Variants in NREP observed in about 807,000 individuals in gnomAD.
The protein encoded by NREP is neuronal regeneration-related protein.
In NREP, 5 loss-of-function variants were observed where a neutral mutation model predicts 8.6. That is an observed-to-expected ratio of 0.58 (90% confidence interval 0.30 to 1.22). The LOEUF (loss-of-function observed/expected upper bound fraction) is 1.22, where lower values mean the gene tolerates loss of function less well. NREP is among the 50% of genes most tolerant of loss of function. NREP has a pLI of 0.07. For synonymous variants in NREP, 27 were observed against 28.0 expected (o/e 0.96, Z 0.11); for missense variants, 86 against 82.5 (o/e 1.04, Z -0.17).
intron 1 of NREP, chr5:111,756,052 C>T (rs1210861202): frequency 1.2e-4 from 152 of 1,250,146 alleles, no homozygotes; most frequent in Non-Finnish European, 1.4e-4. Flanking sequence ...TTGCAGAGTC[C>T]TGGGCTATTC....
At chr5:111,760,186 C>T (rs1349126727), upstream of NREP, among the ~76,000 whole-genome samples, 1 of 152,190 alleles carries the variant, frequency 6.6e-6, no homozygotes, top group Non-Finnish European at 1.5e-5. Flanking sequence ...TGTTTAACAA[C>T]ATCTCTGGCC....
chr5:111,959,718 T>C (rs1756430137), intron 2 of NREP, among the ~76,000 whole-genome samples: 1 of 152,086 alleles, frequency 6.6e-6, no homozygotes, highest in African/African-American at 2.4e-5. Flanking sequence ...AAAAAATTAC[T>C]AAGTTGAACA....
chr5:111,876,246 C>G (rs1753905984), intron 2 of NREP, among the ~76,000 whole-genome samples: 1 of 152,136 alleles, frequency 6.6e-6, no homozygotes, highest in South Asian at 2.1e-4. Flanking sequence ...TTTCAGGCTG[C>G]TTTTGATTAG....
At position 111,799,600 on chromosome 5, in the gene NREP, T is replaced by C. The variant is rs571372588; in HGVS notation, c.136-64093A>G. Among the ~76,000 whole-genome samples the C allele has an allele frequency of 2.0e-4, 31 of 152,360 alleles. 1 individual carries two copies. In the East Asian group the frequency reaches 3.7e-3, roughly 18 times the overall value. Reference sequence around the variant, plus strand: ...TTCCTATATGCTTTTAATCTGCTGTTGTATTGCATAAGCAAATGTTTGCAT... The same window carrying C: ...TTCCTATATGCTTTTAATCTGCTGTCGTATTGCATAAGCAAATGTTTGCAT... On this transcript the variant is annotated intron_variant, in intron 2 of 3. Coordinates refer to the NREP transcript ENST00000395634.
At chr5:111,761,631 T>A (rs972144689), upstream of NREP, among the ~76,000 whole-genome samples, 1 of 152,234 alleles carries the variant, frequency 6.6e-6, no homozygotes, top group Non-Finnish European at 1.5e-5. Flanking sequence ...GATCGCAGGA[T>A]ACATTGTTGA....
chr5:111,938,215 T>C (rs1424906325), intron 2 of NREP, among the ~76,000 whole-genome samples: 1 of 152,028 alleles, frequency 6.6e-6, no homozygotes, highest in African/African-American at 2.4e-5. Flanking sequence ...CTCTGGGAGC[T>C]CCATTCCCTC....
At chr5:111,733,713 A>G (rs1748830899) in intron 3 of NREP, 1 of 152,176 alleles carries the variant, frequency 6.6e-6, no homozygotes. Flanking sequence ...TTGTGCCAAC[A>G]GAGCTGAGGG....
At chr5:111,769,900 T>A (rs1751177552) in intron 2 of NREP, among the ~76,000 whole-genome samples, 1 of 152,170 alleles carries the variant, frequency 6.6e-6, no homozygotes. Flanking sequence ...TGACTTGAGA[T>A]CTGGGTGGGG....
At chr5:111,966,632 G>C (rs936444989) in intron 2 of NREP, among the ~76,000 whole-genome samples, 1 of 151,640 alleles carries the variant, frequency 6.6e-6, no homozygotes, top group African/African-American at 2.4e-5. Context: ...AATGAGAGAA[G>C]GAGGAAAAAA....
chr5:111,829,572 G>T (rs922096535), intron 2 of NREP, among the ~76,000 whole-genome samples: 21 of 152,034 alleles, frequency 1.4e-4, no homozygotes, highest in African/African-American at 4.8e-4. Context: ...CTTTACATCT[G>T]CTCTTTCTGG....
At chr5:111,761,523 A>G (rs888360308), upstream of NREP, among the ~76,000 whole-genome samples, 1 of 152,358 alleles carries the variant, frequency 6.6e-6, no homozygotes, top group Non-Finnish European at 1.5e-5. Flanking sequence ...ACAGTGCACC[A>G]GGTACAGAAC....
intron 1 of NREP, chr5:111,975,400 G>GA: frequency 2.0e-6 from 3 of 1,534,004 alleles, no homozygotes; most frequent in Non-Finnish European, 2.7e-6. Context: ...ACACATGGTA[G>GA]AAAACGTGAG....
At chr5:111,762,122 G>A (rs1010583518), upstream of NREP, among the ~76,000 whole-genome samples, 2 of 152,096 alleles carry the variant, frequency 1.3e-5, no homozygotes, top group East Asian at 3.9e-4. Flanking sequence ...GAGGGAAGGA[G>A]TCAAGTTGCA....
chr5:111,799,705 G>A (rs183309483), intron 2 of NREP, among the ~76,000 whole-genome samples: 14 of 152,296 alleles, frequency 9.2e-5, no homozygotes, highest in Admixed American at 7.8e-4. Flanking sequence ...ATTTAAGGCT[G>A]CCTAGAGGAC....
intron 2 of NREP, among the ~76,000 whole-genome samples, chr5:111,771,763 C>CAAAAAAAAAA (rs367581931): frequency 1.6e-5 from 1 of 63,106 alleles, no homozygotes. Context: ...AACTCCATCT[C>CAAAAAAAAAA]AAAAAAAAAA....
intron 2 of NREP, among the ~76,000 whole-genome samples, chr5:111,766,076 A>G (rs1751075668): frequency 6.6e-6 from 1 of 152,220 alleles, no homozygotes; most frequent in African/African-American, 2.4e-5. Context: ...ACATATTATT[A>G]CAGTTCCTTT....
intron 2 of NREP, among the ~76,000 whole-genome samples, chr5:111,964,733 A>T (rs150018834): frequency 2.0e-4 from 31 of 151,904 alleles, no homozygotes; most frequent in African/African-American, 7.5e-4. Flanking sequence ...AATATTATGA[A>T]CATTCTTAAA....
At chr5:111,798,785 G>C (rs959129509) in intron 2 of NREP, among the ~76,000 whole-genome samples, 1 of 123,786 alleles carries the variant, frequency 8.1e-6, no homozygotes, top group Non-Finnish European at 1.7e-5. Flanking sequence ...GTATGTGTGT[G>C]TGTATACATA....
At chr5:111,873,178 G>T (rs953644860) in intron 2 of NREP, among the ~76,000 whole-genome samples, 5 of 152,100 alleles carry the variant, frequency 3.3e-5, no homozygotes, top group African/African-American at 1.2e-4. Flanking sequence ...ATCCATTAAA[G>T]GATGCTATTA....
Sources: allele counts gnomAD v4.1 joint callset (sites outside exome capture counted in the v4.1 genomes callset), GRCh38; gene constraint gnomAD v4.1.1; transcripts MANE v1.5; gene names NCBI Gene and HGNC (gene_info 2026-07-23, HGNC 2026-07-21).